The following COMMD10 variants were observed in gnomAD, a reference collection of about 807,000 sequenced individuals.
COMMD10 encodes COMM domain-containing protein 10.
In COMMD10, 33 loss-of-function variants were observed where a neutral mutation model predicts 28.9. The ratio of observed to expected loss-of-function variants is 1.14; its 90% CI spans 0.87 to 1.53. The LOEUF (loss-of-function observed/expected upper bound fraction) is 1.53, where lower values mean the gene tolerates loss of function less well. Ranked by LOEUF, COMMD10 falls within the 40% of genes most tolerant of loss-of-function variation. The probability of loss-of-function intolerance (pLI) is 0.00; values close to 1 mark genes in which losing one functional copy is unlikely to be tolerated. For missense variants in COMMD10, 310 were observed against 233.4 expected, an observed-to-expected ratio of 1.33 and a Z score of -2.14; for synonymous variants, 110 against 81.7, an observed-to-expected ratio of 1.35 and a Z score of -1.87.
At chr5:116,286,817 A>G (rs1226636825) in intron 5 of COMMD10, among the ~76,000 whole-genome samples, 1 of 151,842 alleles carries the variant, frequency 6.6e-6, no homozygotes, top group Non-Finnish European at 1.5e-5. Context: ...GGTACTCAAC[A>G]ATACATGTTC....
chr5:116,250,312 CT>C (rs1750073317), intron 5 of COMMD10, among the ~76,000 whole-genome samples: 1 of 151,672 alleles, frequency 6.6e-6, no homozygotes, highest in Non-Finnish European at 1.5e-5. Flanking sequence ...AACGTGTTAT[CT>C]TTCAGGTATA....
intron 3 of COMMD10, among the ~76,000 whole-genome samples, 175 bp downstream of exon 3, chr5:116,091,364 A>T (rs917435653): frequency 6.6e-6 from 1 of 152,204 alleles, no homozygotes; most frequent in Non-Finnish European, 1.5e-5. Flanking sequence ...AAAGTATTTA[A>T]ATATGAATTG....
intron 5 of COMMD10, among the ~76,000 whole-genome samples, chr5:116,263,531 A>G (rs1053092666): frequency 6.6e-6 from 1 of 151,684 alleles, no homozygotes. Context: ...GCGATAATCA[A>G]CTAAGAGCCA....
intron 4 of COMMD10, among the ~76,000 whole-genome samples, chr5:116,116,611 T>C (rs1173800557): frequency 6.6e-6 from 1 of 152,254 alleles, no homozygotes; most frequent in Non-Finnish European, 1.5e-5. Flanking sequence ...TCTGTATGCT[T>C]AAATTCACTG....
intron 5 of COMMD10, among the ~76,000 whole-genome samples, chr5:116,162,423 A>C (rs1752947918): frequency 6.6e-6 from 1 of 152,114 alleles, no homozygotes; most frequent in South Asian, 2.1e-4. Flanking sequence ...TAGCTTTGTG[A>C]GTGTGGGTAT....
intron 5 of COMMD10, among the ~76,000 whole-genome samples, chr5:116,225,058 C>G (rs955148211): frequency 1.3e-5 from 2 of 151,994 alleles, no homozygotes; most frequent in African/African-American, 4.8e-5. Context: ...TGTACTGATT[C>G]TTTTGCCATT....
At chr5:116,178,483 C>T (rs377597334) in intron 5 of COMMD10, among the ~76,000 whole-genome samples, 1 of 151,868 alleles carries the variant, frequency 6.6e-6, no homozygotes, top group African/African-American at 2.4e-5. Context: ...CAATAAAATC[C>T]CTGAAGGCAC....
intron 5 of COMMD10, among the ~76,000 whole-genome samples, chr5:116,175,574 T>C (rs1753479260): frequency 2.6e-5 from 4 of 151,956 alleles, no homozygotes; most frequent in African/African-American, 7.3e-5. Flanking sequence ...TATCCACCCA[T>C]GTTTGTAGCA....
intron 5 of COMMD10, among the ~76,000 whole-genome samples, chr5:116,162,057 T>A (rs894285384): frequency 1.3e-5 from 2 of 152,218 alleles, no homozygotes; most frequent in Non-Finnish European, 2.9e-5. Context: ...CTGATTGTAA[T>A]ATATGTTGAC....
At chr5:116,100,691 G>A (rs1451200498) in intron 4 of COMMD10, among the ~76,000 whole-genome samples, 1 of 151,300 alleles carries the variant, frequency 6.6e-6, no homozygotes, top group Non-Finnish European at 1.5e-5. Context: ...AAAAAAACTT[G>A]ACATTAATAG....
At chr5:116,119,347 T>G (rs1751345370) in intron 4 of COMMD10, among the ~76,000 whole-genome samples, 1 of 152,190 alleles carries the variant, frequency 6.6e-6, no homozygotes, top group Non-Finnish European at 1.5e-5. Flanking sequence ...CTTCTTATTG[T>G]GATTTGATGT....
At chr5:116,255,009 T>G (rs1171549636) in intron 5 of COMMD10, among the ~76,000 whole-genome samples, 1 of 151,674 alleles carries the variant, frequency 6.6e-6, no homozygotes, top group East Asian at 1.9e-4. Context: ...ATATTTAGGA[T>G]AGTTAGCTCT....
intron 5 of COMMD10, among the ~76,000 whole-genome samples, chr5:116,259,223 T>C (rs1205159016): frequency 1.3e-5 from 2 of 151,398 alleles, no homozygotes; most frequent in East Asian, 1.9e-4. Context: ...CCACCATGCC[T>C]GGCCAATTTT....
At chr5:116,095,619 C>T (rs1234646349) in intron 4 of COMMD10, among the ~76,000 whole-genome samples, 1 of 152,032 alleles carries the variant, frequency 6.6e-6, no homozygotes, top group African/African-American at 2.4e-5. Flanking sequence ...CAGAACAGAA[C>T]CATTAACTTT....
intron 5 of COMMD10, among the ~76,000 whole-genome samples, chr5:116,230,019 T>A (rs1332086473): frequency 6.6e-6 from 1 of 151,986 alleles, no homozygotes; most frequent in African/African-American, 2.4e-5. Context: ...ATCAATTGAG[T>A]ATAAACTTTA....
chr5:116,091,124 G>T lies in COMMD10; in HGVS notation c.178G>T (p.Ala60Ser). Reference protein sequence around the residue: ...SEEEEEKLQAAFSLEKQDLHL... With the variant: ...SEEEEEKLQASFSLEKQDLHL... ...AGAAGAGGAAGAAAAACTTCAAGCG[G>T]CATTTTCTCTAGAGAAACAAGATCT... Residue 60 changes from alanine to serine, a missense_variant, in exon 3 of 7, where the codon GCA becomes TCA. Physicochemically the swap from Ala to Ser is moderately conservative, Grantham distance 99. Transcript: ENST00000274458. 1 of 1,611,706 alleles carries T rather than the reference G, an allele frequency of 6.2e-7. No individual in the cohort carries two copies. Among genetic ancestry groups the T allele is most frequent in the Non-Finnish European group, 8.5e-7 (1 of 1,178,738 alleles).
intron 5 of COMMD10, among the ~76,000 whole-genome samples, chr5:116,251,728 A>G (rs1209728816): frequency 6.6e-6 from 1 of 151,708 alleles, no homozygotes; most frequent in Non-Finnish European, 1.5e-5. Context: ...AGTCTTTGCT[A>G]TTGTGAATAA....
intron 5 of COMMD10, among the ~76,000 whole-genome samples, chr5:116,264,883 A>G (rs1481900959): frequency 6.6e-6 from 1 of 151,870 alleles, no homozygotes; most frequent in East Asian, 1.9e-4. Context: ...ATGCAGTCAT[A>G]TAGCTTACCA....
chr5:116,112,347 C>A (rs1303470302), intron 4 of COMMD10, among the ~76,000 whole-genome samples: 1 of 151,978 alleles, frequency 6.6e-6, no homozygotes, highest in Non-Finnish European at 1.5e-5. Flanking sequence ...TACTTTTAGT[C>A]TATGTGTCTT....
Sources: allele counts gnomAD v4.1 joint callset (sites outside exome capture counted in the v4.1 genomes callset), GRCh38; gene constraint gnomAD v4.1.1; transcripts MANE v1.5; gene names NCBI Gene and HGNC (gene_info 2026-07-23, HGNC 2026-07-21).